Variants in EVA1C observed in about 807,000 individuals in gnomAD.
EVA1C encodes the protein eva-1 homolog C.
Under a neutral mutation model 45.4 loss-of-function variants are expected in EVA1C, and 25 were observed. That is an observed-to-expected ratio of 0.55 (90% CI 0.40 to 0.77). The LOEUF is 0.77. Ranked by LOEUF, EVA1C falls within the 30% of genes least tolerant of loss-of-function variation. The pLI is 0.00. For synonymous variants in EVA1C, 190 were observed against 221.2 expected, an observed-to-expected ratio of 0.86 and a Z score of 1.25; for missense variants, 479 against 554.8, an observed-to-expected ratio of 0.86 and a Z score of 1.37.
intron 1 of EVA1C, among the ~76,000 whole-genome samples, chr21:32,426,051 C>T (rs1232690356): frequency 2.0e-5 from 3 of 152,046 alleles, no homozygotes; most frequent in Admixed American, 6.6e-5. Context: ...TTCTGCAGCC[C>T]GAAGGAGGTC....
intron 1 of EVA1C, among the ~76,000 whole-genome samples, chr21:32,442,305 A>G (rs2833837): frequency 0.18 from 27,102 of 152,072 alleles, 3,139 homozygotes; most frequent in African/African-American, 0.32. Context: ...AGTTCTCTTC[A>G]CAATTAACCT....
chr21:32,418,089 A>G (rs890990463), intron 1 of EVA1C, among the ~76,000 whole-genome samples: 4 of 152,204 alleles, frequency 2.6e-5, no homozygotes, highest in Non-Finnish European at 5.9e-5. Flanking sequence ...CCAGCATATC[A>G]GCACCTCGCA....
rs1253956279 is a variant in EVA1C, at chr21:32,514,856, G to T, written c.992G>T (p.Cys331Phe). 2 of 1,603,146 alleles carry T rather than the reference G, an allele frequency of 1.2e-6. No homozygotes were observed. Among genetic ancestry groups the T allele is most frequent in the East Asian group, 4.5e-5 (2 of 44,676 alleles). Residue 331 changes from cysteine (C) to phenylalanine (F), a missense_variant, in exon 8 of 8, where the codon TGC becomes TTC. By Grantham distance (205) the Cys-to-Phe change is radical (BLOSUM62 -2). This residue lies in a region of EVA1C where 366 missense variants were observed against 426.1 expected (regional missense o/e 0.86). Coordinates refer to ENST00000300255, the MANE Select transcript of EVA1C (RefSeq NM_058187.5). ...RAALLFVSSVCIGLALTLCAL... is the reference protein window; with the variant it reads ...RAALLFVSSVFIGLALTLCAL... ...GCCCTGCTGTTCGTGTCCAGTGTCT[G>T]CATCGGCCTGGCCCTCACACTGTGC...
Position 32,471,636 on chromosome 21 carries a change from T to A in EVA1C, c.634+3788T>A, listed in dbSNP as rs552431723. On this transcript the variant is annotated intron_variant, in intron 4 of 7. Transcript: ENST00000300255. Reference sequence around the variant, plus strand: ...CCACTGCGCCCAGCCTCCATTTCCTTTTTTTTTTTTTAGACGGAGTCTTGC... The same window carrying A: ...CCACTGCGCCCAGCCTCCATTTCCTATTTTTTTTTTTAGACGGAGTCTTGC... 7.1e-5 allele frequency among the ~76,000 whole-genome samples: 10 copies of A among 140,558 alleles called. No homozygotes were observed. In the South Asian group the frequency reaches 2.2e-3, roughly 31 times the overall value. 92.2% of individuals were successfully genotyped at this position (140,558 alleles called of 152,430 possible).
chr21:32,458,307 C>G (rs564025400), intron 3 of EVA1C, among the ~76,000 whole-genome samples: 22 of 152,274 alleles, frequency 1.4e-4, no homozygotes, highest in Admixed American at 4.6e-4. Flanking sequence ...TTCTAATACG[C>G]ATCAGCTTTG....
At chr21:32,492,965 ATGTG>A (rs139336360) in intron 4 of EVA1C, among the ~76,000 whole-genome samples, 4 of 150,828 alleles carry the variant, frequency 2.7e-5, no homozygotes, top group African/African-American at 9.7e-5. Context: ...CACAAAATTG[ATGTG>A]TGTGTGTGTG....
In EVA1C at chr21:32,453,167, G is replaced by A. The variant is rs148073704; in HGVS notation, c.161-145G>A. 3,278 of 572,198 alleles carry A rather than the reference G, an allele frequency of 5.7e-3. 88 individuals carry two copies. The highest frequency in any genetic ancestry group is 0.055 in the African/African-American group (2,957 of 53,710). The allele number at this position is 572,198 out of a possible 1,614,324, so 35.4% of individuals were successfully genotyped here. A position where few individuals can be genotyped will look rare whatever the true frequency, so the allele number is the denominator to read the frequency against. On this transcript the variant is annotated intron_variant, in intron 1 of 7. Transcript: ENST00000300255. ...CTCTGGGCCTGGTTTGGTGACCTCT[G>A]CACCAGAGCTGCTAGGGAGGCCCCA...
chr21:32,455,315 A>AC (rs745447398), intron 2 of EVA1C, among the ~76,000 whole-genome samples: 2 of 152,190 alleles, frequency 1.3e-5, no homozygotes, highest in Non-Finnish European at 2.9e-5. Flanking sequence ...AAAAAAACAA[A>AC]AAACAAACAA....
intron 1 of EVA1C, among the ~76,000 whole-genome samples, chr21:32,429,753 C>T (rs930054018): frequency 6.6e-6 from 1 of 151,992 alleles, no homozygotes; most frequent in Non-Finnish European, 1.5e-5. Flanking sequence ...TAATGTAATC[C>T]ACATGTGTAA....
intron 6 of EVA1C, among the ~76,000 whole-genome samples, chr21:32,501,914 G>A (rs1322353206): frequency 6.6e-6 from 1 of 151,530 alleles, no homozygotes; most frequent in Non-Finnish European, 1.5e-5. Flanking sequence ...TTCCTCTTTA[G>A]TTTCCTTCCT....
chr21:32,487,417 TG>T lies in EVA1C; in HGVS notation c.635-7608del, dbSNP rs1269239512. On this transcript the variant is annotated intron_variant, in intron 4 of 7. Transcript: ENST00000300255. ...GAGACCTTTCAGCTCAAGGACTCCA[TG>T]GAGATGCTCAGTGGGTAGAACCTTT... Among the ~76,000 whole-genome samples the T allele has an allele frequency of 7.2e-5, 11 of 152,242 alleles. No individual in the cohort carries two copies. The East Asian group carries it at 2.1e-3, about 29-fold the overall frequency.
intron 3 of EVA1C, among the ~76,000 whole-genome samples, chr21:32,467,125 C>G (rs1028286660): frequency 7.9e-5 from 12 of 152,034 alleles, no homozygotes; most frequent in African/African-American, 2.9e-4. Flanking sequence ...TGCACTCTAG[C>G]CTGGGTAACA....
At chr21:32,433,619 T>G (rs1432131704) in intron 1 of EVA1C, among the ~76,000 whole-genome samples, 1 of 152,220 alleles carries the variant, frequency 6.6e-6, no homozygotes, top group Non-Finnish European at 1.5e-5. Flanking sequence ...CCCTCACTGG[T>G]CTCTTCCTCA....
chr21:32,460,664 G>A (rs184784033), intron 3 of EVA1C, among the ~76,000 whole-genome samples: 3 of 152,280 alleles, frequency 2.0e-5, no homozygotes, highest in African/African-American at 7.2e-5. Context: ...GATATTCACT[G>A]TGAGTTTCAC....
chr21:32,488,370 C>A (rs372303942), intron 4 of EVA1C, among the ~76,000 whole-genome samples: 5 of 152,220 alleles, frequency 3.3e-5, no homozygotes, highest in South Asian at 4.1e-4. Flanking sequence ...TCTTTAGGAA[C>A]CTTCATGCTC....
chr21:32,444,525 G>A (rs1468614891), intron 1 of EVA1C, among the ~76,000 whole-genome samples: 5 of 152,164 alleles, frequency 3.3e-5, no homozygotes, highest in Admixed American at 1.3e-4. Flanking sequence ...GAAGCAGTGC[G>A]GAGCTTCTGT....
intron 7 of EVA1C, among the ~76,000 whole-genome samples, chr21:32,512,615 AG>A (rs1355952723): frequency 1.3e-5 from 2 of 152,086 alleles, no homozygotes; most frequent in African/African-American, 4.8e-5. Context: ...CAGAGGCTTG[AG>A]CTGGATGGAA....
chr21:32,447,295 G>A lies in EVA1C; in HGVS notation c.161-6017G>A, dbSNP rs974488885. The stretch of plus-strand genomic sequence containing the variant: ...GCTGAGGCAGAACTGCTTGAACCAG[G>A]GAGGTGGAGGTTGCAGTCAACCAAA... On this transcript the variant is annotated intron_variant, in intron 1 of 7. Transcript: ENST00000300255. 2.6e-5 allele frequency among the ~76,000 whole-genome samples: 4 copies of A among 151,862 alleles called. No individual in the cohort carries two copies. The South Asian group carries it at 6.3e-4, about 24-fold the overall frequency.
chr21:32,463,215 G>A (rs146791704), intron 3 of EVA1C, among the ~76,000 whole-genome samples: 8 of 152,240 alleles, frequency 5.3e-5, no homozygotes, highest in Admixed American at 2.0e-4. Context: ...ATGAGGAGGC[G>A]GGGATTTCAT....
Sources: gnomAD v4.1 joint callset for allele counts (sites outside exome capture counted in the v4.1 genomes callset) on GRCh38, gnomAD v4.1.1 for gene constraint, gnomAD v4.1.1 regional missense constraint, MANE v1.5 for transcripts, NCBI Gene and HGNC (gene_info 2026-07-23, HGNC 2026-07-21) for gene names.